The following CACNA1C variants were observed in gnomAD, a reference collection of about 807,000 sequenced individuals.
CACNA1C encodes calcium voltage-gated channel subunit alpha1 C.
In CACNA1C, 30 loss-of-function variants were observed where a neutral mutation model predicts 229.0. That is an observed-to-expected ratio of 0.13 (90% CI 0.10 to 0.18). CACNA1C has a LOEUF of 0.18. CACNA1C is among the 10% of genes least tolerant of loss of function. The pLI is 1.00. For missense variants in CACNA1C, 1,658 were observed against 2,845.0 expected (o/e 0.58, Z 9.49); for synonymous variants, 1,114 against 1,132.5 (o/e 0.98, Z 0.33).
chr12:2,603,552 A>G (rs1023644372), intron 22 of CACNA1C: 1 of 152,250 alleles, frequency 6.6e-6, no homozygotes, highest in African/African-American at 2.4e-5. Context: ...CCAAGGTGGT[A>G]TGGTTAATGA....
chr12:2,605,647 C>T lies in CACNA1C; in HGVS notation c.3049-32C>T, dbSNP rs543385143. ...AAAGGCTCCTGGCATCTCCTGAAGC[C>T]ACGTCCCTCTCCCCGTCCCTTCCCA... On this transcript the variant is annotated intron_variant, in intron 23 of 46. Coordinates refer to ENST00000399655, the MANE Select transcript of CACNA1C (RefSeq NM_000719.7). This position sits in a 1 kb window ranked among gnomAD's most constrained non-coding sequence, Gnocchi z 6.2. 3 of 1,530,350 alleles carry T rather than the reference C, an allele frequency of 2.0e-6. No individual in the cohort carries two copies. The highest frequency in any genetic ancestry group is 1.7e-5 in the Admixed American group (1 of 59,798). The allele number at this position is 1,530,350 out of a possible 1,614,324, so 94.8% of individuals were successfully genotyped here. A position where few individuals can be genotyped will look rare whatever the true frequency, so the allele number is the denominator to read the frequency against.
chr12:2,102,761 G>A (rs2076906701), intron 1 of CACNA1C, among the ~76,000 whole-genome samples: 1 of 152,122 alleles, frequency 6.6e-6, no homozygotes, highest in African/African-American at 2.4e-5. Context: ...AGGCCCTGGT[G>A]TATGATGTTC....
rs2098789732 is a variant in CACNA1C at position 2,410,081 on chromosome 12, C to G, written c.478-38895C>G. On this transcript the variant is annotated intron_variant, in intron 3 of 46. Transcript: ENST00000399655. The surrounding 1 kb of genome is among the most constrained non-coding windows in gnomAD (Gnocchi z 5.3). ...CCTGCCAGCCGCGGGCCTCAGCAAG[C>G]TGGCAGCTTCGTCCTCTCAGACTGT... Among the ~76,000 whole-genome samples, 1 of 152,234 alleles carries G rather than the reference C, an allele frequency of 6.6e-6. No homozygotes were observed. The highest frequency in any genetic ancestry group is 2.4e-5 in the African/African-American group (1 of 41,468).
At chr12:2,446,772 GTGAATGGA>G (rs1024338733) in intron 3 of CACNA1C, among the ~76,000 whole-genome samples, 10 of 151,542 alleles carry the variant, frequency 6.6e-5, no homozygotes, top group African/African-American at 2.2e-4. Context: ...GGGTGGGTGG[GTGAATGGA>G]TGAATGGATG....
At chr12:2,388,305 G>A (rs151270796) in intron 3 of CACNA1C, among the ~76,000 whole-genome samples, 1 of 152,326 alleles carries the variant, frequency 6.6e-6, no homozygotes, top group Non-Finnish European at 1.5e-5. Context: ...CACACAATTT[G>A]CTATGTGTGG....
At position 2,302,689 on chromosome 12, in the gene CACNA1C, C is replaced by G. The variant is rs1311772976; in HGVS notation, c.478-146287C>G. 2.0e-5 allele frequency among the ~76,000 whole-genome samples: 3 copies of G among 152,188 alleles called. No individual in the cohort carries two copies. In the East Asian group the frequency reaches 5.8e-4, roughly 29 times the overall value. ...TAGAGGGGTTTAAATACATCAATAG[C>G]TTATTCGCCAAAATGTATCCAGAAC... is the stretch of plus-strand genomic sequence containing the variant. On this transcript the variant is annotated intron_variant, in intron 3 of 46. Coordinates refer to ENST00000399655, the MANE Select transcript of CACNA1C (RefSeq NM_000719.7).
intron 1 of CACNA1C, among the ~76,000 whole-genome samples, chr12:1,979,306 G>A (rs1442177406): frequency 2.6e-5 from 4 of 151,706 alleles, no homozygotes; most frequent in African/African-American, 7.3e-5. Context: ...GAGCCACAGC[G>A]CCTGGATTTT....
chr12:2,214,979 G>A (rs2059614615), intron 3 of CACNA1C, among the ~76,000 whole-genome samples: 1 of 152,076 alleles, frequency 6.6e-6, no homozygotes, highest in African/African-American at 2.4e-5. Flanking sequence ...TTCCCCCAGC[G>A]AGGCACAGGG....
intron 1 of CACNA1C, among the ~76,000 whole-genome samples, chr12:1,981,780 T>A (rs1424041077): frequency 6.6e-6 from 1 of 152,122 alleles, no homozygotes; most frequent in Non-Finnish European, 1.5e-5. Context: ...CACAAAAACA[T>A]CCAGGGAGGT....
intron 25 of CACNA1C, 141 bp from the exon 26 acceptor site, chr12:2,606,843 C>A (rs2153432258): frequency 3.8e-6 from 4 of 1,055,568 alleles, no homozygotes; most frequent in African/African-American, 1.6e-5. Flanking sequence ...AAGTTTCTGC[C>A]CACTGAAGCT....
intron 1 of CACNA1C, among the ~76,000 whole-genome samples, chr12:2,002,075 T>G (rs1282736051): frequency 2.0e-5 from 3 of 152,182 alleles, no homozygotes; most frequent in African/African-American, 7.2e-5. Flanking sequence ...AGTCATCACA[T>G]AATCTTTCTT....
Position 2,679,155 on chromosome 12 carries a change from A to G in CACNA1C, c.5092-289A>G, listed in dbSNP as rs1188304615. 2.6e-5 allele frequency among the ~76,000 whole-genome samples: 4 copies of G among 152,192 alleles called. No individual in the cohort carries two copies. Among genetic ancestry groups the G allele is most frequent in the Non-Finnish European group, 5.9e-5 (4 of 68,028 alleles). On this transcript the variant is annotated intron_variant, in intron 41 of 46. Transcript: ENST00000399655. This position sits in a 1 kb window ranked among gnomAD's most constrained non-coding sequence, Gnocchi z 5.5. The stretch of plus-strand genomic sequence containing the variant: ...ACTGGAAACCTCCAGGGCAGCTCGT[A>G]CCAGCGGCAGCCCCTTGCCCAATCC...
rs375785714 is a variant in CACNA1C, at chr12:2,493,296, C to T, written c.1023C>T (p.His341=). ...VCKPGWDGPK[H]GITNFDNFAF... ...AGCCCGGCTGGGATGGTCCCAAGCA[C>T]GGCATCACCAACTTTGACAACTTTG... The change falls in exon 7 of 47, where the codon CAC becomes CAT. Residue 341 remains histidine (H), a synonymous_variant. Transcript: ENST00000399655. The surrounding 1 kb of genome is among the most constrained non-coding windows in gnomAD (Gnocchi z 4.6). 1.1e-5 allele frequency: 18 copies of T among 1,613,972 alleles called. No individual in the cohort carries two copies. The highest frequency in any genetic ancestry group is 3.3e-5 in the South Asian group (3 of 91,090).
At chr12:2,139,050 A>T (rs550966761) in intron 3 of CACNA1C, among the ~76,000 whole-genome samples, 69 of 150,968 alleles carry the variant, frequency 4.6e-4, no homozygotes, top group African/African-American at 1.6e-3. Flanking sequence ...TGAAAATACC[A>T]TGCATTTGGT....
intron 3 of CACNA1C, among the ~76,000 whole-genome samples, chr12:2,254,644 C>A (rs1600849451): frequency 1.3e-5 from 2 of 152,274 alleles, no homozygotes; most frequent in East Asian, 1.9e-4. Context: ...CTGTTAACAC[C>A]TGCCCGTGGG....
At chr12:2,470,486 C>T (rs2099585598) in intron 5 of CACNA1C, among the ~76,000 whole-genome samples, 1 of 152,142 alleles carries the variant, frequency 6.6e-6, no homozygotes, top group South Asian at 2.1e-4. Context: ...GAACGTGAGC[C>T]CCATGTGCCT....
intron 3 of CACNA1C, among the ~76,000 whole-genome samples, chr12:2,380,571 T>C (rs973228988): frequency 6.6e-5 from 10 of 152,298 alleles, no homozygotes; most frequent in African/African-American, 2.2e-4. Context: ...TAAACTGGGC[T>C]CTTAATAGGT....
chr12:2,176,101 A>C (rs2096637148), intron 3 of CACNA1C, among the ~76,000 whole-genome samples: 2 of 152,134 alleles, frequency 1.3e-5, no homozygotes, highest in South Asian at 4.1e-4. Context: ...GGACATGAGG[A>C]TGCTAGAGGG....
At chr12:2,511,570 G>A (rs2099783973) in intron 8 of CACNA1C, among the ~76,000 whole-genome samples, 1 of 135,380 alleles carries the variant, frequency 7.4e-6, no homozygotes, top group South Asian at 2.5e-4. Flanking sequence ...TCCTATGCAT[G>A]TACACACACA....
Sources: allele counts gnomAD v4.1 joint callset (sites outside exome capture counted in the v4.1 genomes callset), GRCh38; gene constraint gnomAD v4.1.1; non-coding constraint Gnocchi (gnomAD v3.1); transcripts MANE v1.5; gene names NCBI Gene and HGNC (gene_info 2026-07-23, HGNC 2026-07-21).